ASAP1: variants seen among roughly 807,000 people sequenced by gnomAD.
The protein encoded by ASAP1 is ArfGAP with SH3 domain, ankyrin repeat and PH domain 1.
Under a neutral mutation model 145.2 loss-of-function variants are expected in ASAP1, and 43 were observed. The ratio of observed to expected loss-of-function variants is 0.30; its 90% CI spans 0.23 to 0.38. ASAP1 has a LOEUF of 0.38. Ranked by LOEUF, ASAP1 falls within the 10% of genes least tolerant of loss-of-function variation. The pLI, the probability that ASAP1 is intolerant of heterozygous loss-of-function variation, is 1.00. For synonymous variants in ASAP1, 546 were observed against 515.5 expected (o/e 1.06, Z -0.80); for missense variants, 1,018 against 1,355.3 (o/e 0.75, Z 3.91).
At chr8:130,225,428 A>G (rs977358587) in intron 4 of ASAP1, among the ~76,000 whole-genome samples, 1 of 152,210 alleles carries the variant, frequency 6.6e-6, no homozygotes, top group African/African-American at 2.4e-5. Flanking sequence ...TCGTTAAAGT[A>G]AGTTATTAAA....
intron 27 of ASAP1, among the ~76,000 whole-genome samples, chr8:130,061,617 A>G (rs1024070438): frequency 1.3e-5 from 2 of 152,304 alleles, no homozygotes; most frequent in Admixed American, 6.5e-5. Context: ...CATGCAGTAT[A>G]TAAGCGAGGT....
intron 3 of ASAP1, among the ~76,000 whole-genome samples, chr8:130,355,926 C>A (rs914767084): frequency 6.6e-5 from 10 of 152,212 alleles, no homozygotes; most frequent in Admixed American, 5.2e-4. Flanking sequence ...ATTGTGCCAT[C>A]CTGAAACATT....
At chr8:130,126,671 A>G (rs2097575465) in intron 16 of ASAP1, among the ~76,000 whole-genome samples, 1 of 152,148 alleles carries the variant, frequency 6.6e-6, no homozygotes, top group Non-Finnish European at 1.5e-5. Context: ...CTCTGGGTCA[A>G]GCTTCTTCCT....
chr8:130,070,999 GA>G (rs2097444505), intron 27 of ASAP1, among the ~76,000 whole-genome samples: 1 of 30,230 alleles, frequency 3.3e-5, no homozygotes, highest in African/African-American at 2.2e-4. Flanking sequence ...GAGAGAGAGA[GA>G]GGGGAGGGGG....
intron 3 of ASAP1, among the ~76,000 whole-genome samples, chr8:130,244,613 G>A (rs754338036): frequency 3.9e-5 from 6 of 152,152 alleles, no homozygotes. Flanking sequence ...AATGGCTAGG[G>A]GTTAGGCTAT....
At chr8:130,265,573 TAAA>T (rs79247144) in intron 3 of ASAP1, among the ~76,000 whole-genome samples, 7 of 119,462 alleles carry the variant, frequency 5.9e-5, no homozygotes, top group Admixed American at 8.6e-5. Flanking sequence ...ACCCTGTCTT[TAAA>T]AAAAAAAAAA....
At chr8:130,363,601 T>C (rs1826816032) in intron 2 of ASAP1, among the ~76,000 whole-genome samples, 1 of 152,182 alleles carries the variant, frequency 6.6e-6, no homozygotes, top group Non-Finnish European at 1.5e-5. Context: ...AGGTACTGCA[T>C]TGGTGGTTAT....
chr8:130,223,116 C>A (rs1586627474), intron 4 of ASAP1, among the ~76,000 whole-genome samples: 1 of 152,004 alleles, frequency 6.6e-6, no homozygotes, highest in Non-Finnish European at 1.5e-5. Flanking sequence ...TGGAAAAATG[C>A]AAAAAAATTA....
At chr8:130,237,686 T>C (rs563455666) in intron 3 of ASAP1, among the ~76,000 whole-genome samples, 1 of 152,210 alleles carries the variant, frequency 6.6e-6, no homozygotes, top group African/African-American at 2.4e-5. Flanking sequence ...TTGTTGTTGA[T>C]TCTTAATCCA....
intron 15 of ASAP1, among the ~76,000 whole-genome samples, chr8:130,133,102 C>T (rs571709386): frequency 6.1e-4 from 92 of 151,328 alleles, no homozygotes; most frequent in African/African-American, 1.8e-3. Context: ...GGAAGTTTGA[C>T]AGTTTATAAA....
chr8:130,431,419 G>T (rs1490946320), intron 1 of ASAP1, among the ~76,000 whole-genome samples: 1 of 152,066 alleles, frequency 6.6e-6, no homozygotes, highest in East Asian at 1.9e-4. Flanking sequence ...TACCTCAAAC[G>T]TTAGGTTCCA....
chr8:130,339,611 G>A (rs186682644), intron 3 of ASAP1, among the ~76,000 whole-genome samples: 143 of 152,064 alleles, frequency 9.4e-4, no homozygotes, highest in Middle Eastern at 3.4e-3. Flanking sequence ...ATCATCTTAG[G>A]GCTCAAACAC....
chr8:130,363,043 GTATT>G (rs1826790275), intron 2 of ASAP1, among the ~76,000 whole-genome samples: 1 of 152,150 alleles, frequency 6.6e-6, no homozygotes, highest in East Asian at 1.9e-4. Flanking sequence ...CCTTGTTAAA[GTATT>G]TCTCCTCTCT....
chr8:130,290,035 C>G (rs1426564985), intron 3 of ASAP1, among the ~76,000 whole-genome samples: 1 of 152,164 alleles, frequency 6.6e-6, no homozygotes, highest in African/African-American at 2.4e-5. Context: ...AAGCGCTCTT[C>G]CTGGTACTCG....
chr8:130,251,714 A>G (rs1370487551), intron 3 of ASAP1, among the ~76,000 whole-genome samples: 1 of 152,172 alleles, frequency 6.6e-6, no homozygotes, highest in East Asian at 1.9e-4. Context: ...TGCTATAAAG[A>G]CCCAGAAGAA....
chr8:130,426,755 A>G (rs1387291382), intron 1 of ASAP1, among the ~76,000 whole-genome samples: 1 of 152,132 alleles, frequency 6.6e-6, no homozygotes, highest in Non-Finnish European at 1.5e-5. Context: ...TTCTCAGGGA[A>G]AGCCTCCTTG....
At position 130,257,939 on chromosome 8, in the gene ASAP1, C is replaced by T. The variant is rs199914568; in HGVS notation, c.187-20945G>A. On this transcript the variant is annotated intron_variant, in intron 3 of 29. Transcript: ENST00000518721. ...GGGCCCCAAATCCAAATTCAACCTG[C>T]CATGGGTGTTTTACATGGCCTGTAT... Among the ~76,000 whole-genome samples, 3 of 152,050 alleles carry T rather than the reference C, an allele frequency of 2.0e-5. No homozygotes were observed. In the East Asian group the frequency reaches 5.8e-4, roughly 29 times the overall value.
In ASAP1 at chr8:130,118,144, G is replaced by C; in HGVS notation, c.1880+17C>G. ...AGGCATATTCAGGTAATTCAACAGA[G>C]AAAACAAAAACGATACCAGTTTTGT... On this transcript the variant is annotated intron_variant, in intron 20 of 29. Coordinates refer to ENST00000518721, the MANE Select transcript of ASAP1 (RefSeq NM_018482.4). 1 of 1,608,680 alleles carries C rather than the reference G, an allele frequency of 6.2e-7. No homozygotes were observed. The highest frequency in any genetic ancestry group is 1.3e-5 in the African/African-American group (1 of 74,594).
chr8:130,259,777 T>C (rs1819782423), intron 3 of ASAP1, among the ~76,000 whole-genome samples: 1 of 152,124 alleles, frequency 6.6e-6, no homozygotes, highest in Non-Finnish European at 1.5e-5. Context: ...AGAAAGAAAG[T>C]ATAAAAGGTT....
Sources: allele counts gnomAD v4.1 joint callset (sites outside exome capture counted in the v4.1 genomes callset), GRCh38; gene constraint gnomAD v4.1.1; transcripts MANE v1.5; gene names NCBI Gene and HGNC (gene_info 2026-07-23, HGNC 2026-07-21).